GSE1: variants seen among roughly 807,000 people sequenced by gnomAD.
The protein encoded by GSE1 is Gse1 coiled-coil protein, also known as genetic suppressor element 1.
GSE1 carries 32 observed loss-of-function variants against 112.6 expected under a neutral mutation model. The observed-to-expected ratio is 0.28, with a 90% confidence interval of 0.21 to 0.38. The LOEUF is 0.38. GSE1 is among the 10% of genes least tolerant of loss of function. GSE1 has a pLI of 1.00. For synonymous variants in GSE1, 1,115 were observed against 735.6 expected (o/e 1.52, Z -8.35); for missense variants, 2,348 against 1,699.2 (o/e 1.38, Z -6.71).
chr16:85,555,131 C>G, upstream of GSE1: 1 of 985,410 alleles, frequency 1.0e-6, no homozygotes, highest in African/African-American at 1.7e-5. Flanking sequence ...CCTTCAGCCG[C>G]CCGCCGCTGC....
chr16:85,499,802 A>G (rs185875855), intron 2 of GSE1, among the ~76,000 whole-genome samples: 2 of 152,366 alleles, frequency 1.3e-5, no homozygotes, highest in African/African-American at 4.8e-5. Flanking sequence ...GCCCCCAAAC[A>G]TAAAAAGATA....
chr16:85,313,267 C>G (rs572623051), intron 1 of GSE1, among the ~76,000 whole-genome samples: 1 of 152,258 alleles, frequency 6.6e-6, no homozygotes, highest in East Asian at 1.9e-4. Context: ...TGAGACCTGC[C>G]CTGCTTCTCC....
chr16:85,540,618 C>T (rs961791426), intron 2 of GSE1, among the ~76,000 whole-genome samples: 1 of 152,192 alleles, frequency 6.6e-6, no homozygotes, highest in Non-Finnish European at 1.5e-5. Flanking sequence ...GTCTTGACAG[C>T]TCTTTGGTGC....
intron 2 of GSE1, among the ~76,000 whole-genome samples, chr16:85,637,197 G>A (rs1248602818): frequency 2.0e-5 from 3 of 152,182 alleles, no homozygotes; most frequent in Non-Finnish European, 4.4e-5. Flanking sequence ...CCAGCCCCCG[G>A]CGGCCGCTGT....
intron 2 of GSE1, among the ~76,000 whole-genome samples, chr16:85,404,261 AG>A (rs2048199996): frequency 3.7e-5 from 3 of 81,962 alleles, no homozygotes; most frequent in African/African-American, 5.6e-5. Flanking sequence ...TGTTACACTC[AG>A]GGCTCCCCCA....
intron 1 of GSE1, among the ~76,000 whole-genome samples, chr16:85,191,650 C>T (rs1017412117): frequency 1.3e-5 from 2 of 152,188 alleles, no homozygotes; most frequent in Non-Finnish European, 2.9e-5. Flanking sequence ...CTGCTCACTT[C>T]ACGCCCCGGC....
chr16:85,194,894 G>T (rs533824379), intron 1 of GSE1, among the ~76,000 whole-genome samples: 2 of 152,150 alleles, frequency 1.3e-5, no homozygotes, highest in African/African-American at 2.4e-5. Flanking sequence ...GAGGCTAAAA[G>T]TGAGTGGCTA....
At chr16:85,319,215 C>T (rs1255143739) in intron 1 of GSE1, among the ~76,000 whole-genome samples, 1 of 152,200 alleles carries the variant, frequency 6.6e-6, no homozygotes, top group Admixed American at 6.5e-5. Flanking sequence ...AGCTTTCCAC[C>T]ATCAGTTGTC....
rs1332828505 is a variant in GSE1, at chr16:85,473,284, GGTGCAAA to G, written c.2464+115646_2464+115652del. Among the ~76,000 whole-genome samples the G allele has an allele frequency of 2.0e-5, 3 of 152,198 alleles. No individual in the cohort carries two copies. In the East Asian group the frequency reaches 5.8e-4, roughly 29 times the overall value. On this transcript the variant is annotated intron_variant, in intron 2 of 2. Transcript: ENST00000637419. ...AAACCATAAAAGTGATGAGTGGAAA[GGTGCAAA>G]GTGCTGTGGAAACCAAGTTAGTGCA...
chr16:85,478,853 TTCTTTCTTTC>T (rs2050551496), intron 2 of GSE1, among the ~76,000 whole-genome samples: 2 of 14,836 alleles, frequency 1.3e-4, no homozygotes, highest in African/African-American at 8.8e-4. Flanking sequence ...CTTTCTTTCT[TTCTTTCTTTC>T]TTTCTTTCTT....
chr16:85,422,726 G>A (rs1169353411), intron 2 of GSE1, among the ~76,000 whole-genome samples: 2 of 152,198 alleles, frequency 1.3e-5, no homozygotes, highest in East Asian at 1.9e-4. Flanking sequence ...GAAGCCGCTT[G>A]GGGACTTGGG....
At chr16:85,480,599 G>T (rs545394547) in intron 2 of GSE1, among the ~76,000 whole-genome samples, 3 of 152,280 alleles carry the variant, frequency 2.0e-5, no homozygotes, top group Admixed American at 2.0e-4. Flanking sequence ...ATGGCCCATC[G>T]GACCTGTTCC....
upstream of GSE1, chr16:85,555,129 C>A (rs938245344): frequency 1.0e-5 from 10 of 985,276 alleles, no homozygotes; most frequent in African/African-American, 1.7e-4. Context: ...CGCCTTCAGC[C>A]GCCCGCCGCT....
chr16:85,613,206 T>G, upstream of GSE1: 2 of 1,443,032 alleles, frequency 1.4e-6, no homozygotes, highest in Non-Finnish European at 1.8e-6. Context: ...CGGCGTTGCG[T>G]TTGGGTGTGT....
intron 1 of GSE1, among the ~76,000 whole-genome samples, chr16:85,569,037 T>G (rs931456620): frequency 6.6e-6 from 1 of 152,246 alleles, no homozygotes; most frequent in African/African-American, 2.4e-5. Context: ...GGTCACTTTC[T>G]GGGTGGCATG....
intron 1 of GSE1, among the ~76,000 whole-genome samples, chr16:85,207,361 C>A (rs1205635957): frequency 1.3e-5 from 2 of 152,244 alleles, no homozygotes; most frequent in Non-Finnish European, 1.5e-5. Flanking sequence ...GGGCCCCTGC[C>A]CGCCGCCAGC....
Position 85,239,116 on chromosome 16 carries a change from G to C in GSE1, c.2283+67309G>C, listed in dbSNP as rs57550339. On this transcript the variant is annotated intron_variant, in intron 1 of 2. Coordinates refer to the GSE1 transcript ENST00000637419. ...CTAATTTGTTTTTGTATTTTTGGTG[G>C]AGTTGAGGTTTCACCATGTTGGCCA... Among the ~76,000 whole-genome samples, 729 of 152,254 alleles carry C rather than the reference G, an allele frequency of 4.8e-3. 6 individuals are homozygous for C. The highest frequency in any genetic ancestry group is 0.016 in the African/African-American group (680 of 41,530).
intron 1 of GSE1, chr16:85,593,219 C>G (rs1253548986): frequency 6.6e-6 from 1 of 152,274 alleles, no homozygotes; most frequent in African/African-American, 2.4e-5. Context: ...CTAACCAAAC[C>G]TGGTCCCACG....
At chr16:85,418,309 A>G (rs1041001220) in intron 2 of GSE1, among the ~76,000 whole-genome samples, 47 of 152,162 alleles carry the variant, frequency 3.1e-4, no homozygotes, top group African/African-American at 1.1e-3. Context: ...GAAAGGTCCA[A>G]CCTCCAAGGC....
Sources: allele counts gnomAD v4.1 joint callset (sites outside exome capture counted in the v4.1 genomes callset), GRCh38; gene constraint gnomAD v4.1.1; transcripts MANE v1.5; gene names NCBI Gene and HGNC (gene_info 2026-07-23, HGNC 2026-07-21).